The following COL22A1 variants were observed in gnomAD, a reference collection of about 807,000 sequenced individuals.
COL22A1 encodes the protein collagen alpha-1(XXII) chain.
Under a neutral mutation model 248.9 loss-of-function variants are expected in COL22A1, and 221 were observed. That is an observed-to-expected ratio of 0.89 (90% CI 0.80 to 0.99). COL22A1 has a LOEUF of 0.99. COL22A1 is among the 50% of genes least tolerant of loss of function. COL22A1 has a pLI of 0.00. For synonymous variants in COL22A1, 891 were observed against 793.4 expected (o/e 1.12, Z -2.07); for missense variants, 2,240 against 2,179.0 (o/e 1.03, Z -0.56).
intron 47 of COL22A1, among the ~76,000 whole-genome samples, chr8:138,642,396 C>G (rs887039890): frequency 2.0e-5 from 3 of 152,164 alleles, no homozygotes; most frequent in African/African-American, 7.2e-5. Flanking sequence ...AGCACTCTGC[C>G]CAACGCAACT....
chr8:138,663,036 A>AC (rs1554737820), intron 42 of COL22A1, among the ~76,000 whole-genome samples: 4 of 151,990 alleles, frequency 2.6e-5, no homozygotes, highest in South Asian at 2.1e-4. Context: ...ACACACACAC[A>AC]AAGCAATCCC....
chr8:138,857,664 A>G lies in COL22A1; in HGVS notation c.659-13506T>C, dbSNP rs114302166. Among the ~76,000 whole-genome samples the G allele has an allele frequency of 9.3e-3, 1,412 of 152,352 alleles. 20 individuals are homozygous for G. The highest frequency in any genetic ancestry group is 0.032 in the African/African-American group (1,351 of 41,584). ...AGGGCAAAAGCTGAGCTGAGCTGCA[A>G]TGGGTCAACTGGGAACAGCGGTTCC... On this transcript the variant is annotated intron_variant, in intron 3 of 64. Transcript: ENST00000303045.
chr8:138,743,090 ATGG>A (rs1197040033), intron 22 of COL22A1, among the ~76,000 whole-genome samples: 2 of 134,438 alleles, frequency 1.5e-5, no homozygotes, highest in Non-Finnish European at 3.2e-5. Context: ...GGTGATGGTG[ATGG>A]TGGAGTTGAT....
At chr8:138,752,581 C>G (rs1360714888) in intron 21 of COL22A1, among the ~76,000 whole-genome samples, 3 of 152,166 alleles carry the variant, frequency 2.0e-5, no homozygotes, top group Non-Finnish European at 4.4e-5. Context: ...TTTTAAGCGT[C>G]AAGAAATAGC....
chr8:138,837,945 C>A (rs1820561407), intron 4 of COL22A1, among the ~76,000 whole-genome samples: 2 of 152,140 alleles, frequency 1.3e-5, no homozygotes, highest in South Asian at 4.2e-4. Flanking sequence ...TGAGGACGTG[C>A]CTTGCAGGGT....
chr8:138,713,930 T>A (rs1477138197), intron 30 of COL22A1, among the ~76,000 whole-genome samples: 1 of 152,196 alleles, frequency 6.6e-6, no homozygotes, highest in Non-Finnish European at 1.5e-5. Flanking sequence ...AAGAAGGGGC[T>A]GGGACCAGGG....
chr8:138,808,776 A>G (rs1008486333), intron 9 of COL22A1, among the ~76,000 whole-genome samples: 2 of 152,220 alleles, frequency 1.3e-5, no homozygotes, highest in Non-Finnish European at 2.9e-5. Flanking sequence ...CGGAACACAC[A>G]TTTTTAAATG....
At chr8:138,789,200 A>G (rs962563712) in intron 12 of COL22A1, among the ~76,000 whole-genome samples, 3 of 152,256 alleles carry the variant, frequency 2.0e-5, no homozygotes, top group African/African-American at 7.2e-5. Flanking sequence ...TGTGAACTTC[A>G]GAACTTCCCC....
intron 39 of COL22A1, among the ~76,000 whole-genome samples, chr8:138,680,687 C>T (rs1825890349): frequency 6.6e-6 from 1 of 152,158 alleles, no homozygotes. Context: ...TCCACCTCTC[C>T]CTAGCTTCCC....
chr8:138,656,060 C>T (rs112182386), intron 44 of COL22A1, 116 bp from the exon 45 acceptor site: 129 of 806,584 alleles, frequency 1.6e-4, no homozygotes, highest in Admixed American at 6.4e-4. Context: ...CACACTGCGC[C>T]GTGCGTGGGA....
intron 41 of COL22A1, 64 bp from the exon 42 acceptor site, chr8:138,663,804 G>T: frequency 1.5e-6 from 2 of 1,293,040 alleles, no homozygotes; most frequent in Non-Finnish European, 2.2e-6. Flanking sequence ...AACAAGCTAT[G>T]GTGTTTATTC....
chr8:138,636,872 A>C, intron 47 of COL22A1, 77 bp from the exon 48 acceptor site: 1 of 1,147,402 alleles, frequency 8.7e-7, no homozygotes, highest in Non-Finnish European at 1.3e-6. Context: ...TCATGCATTC[A>C]TTCATCCATT....
At chr8:138,632,382 T>C (rs898760420) in intron 49 of COL22A1, among the ~76,000 whole-genome samples, 5 of 152,110 alleles carry the variant, frequency 3.3e-5, no homozygotes, top group Non-Finnish European at 7.3e-5. Context: ...TCATGACACA[T>C]AAGGAGTTAG....
At chr8:138,640,748 T>G (rs2130434393) in intron 47 of COL22A1, among the ~76,000 whole-genome samples, 1 of 152,316 alleles carries the variant, frequency 6.6e-6, no homozygotes, top group East Asian at 1.9e-4. Flanking sequence ...AAATTCCCCC[T>G]TGTTCAGTTC....
At chr8:138,724,144 C>T (rs77958895) in intron 25 of COL22A1, among the ~76,000 whole-genome samples, 3 of 152,280 alleles carry the variant, frequency 2.0e-5, no homozygotes, top group East Asian at 3.9e-4. Flanking sequence ...TCTGGGGAGA[C>T]ATTAATGTTT....
At chr8:138,664,211 A>ACGCG (rs1268431929) in intron 41 of COL22A1, among the ~76,000 whole-genome samples, 3 of 47,920 alleles carry the variant, frequency 6.3e-5, no homozygotes, top group African/African-American at 9.0e-5. Context: ...GCGCGCGCGC[A>ACGCG]CACACACACA....
At chr8:138,802,702 C>T (rs555569643) in intron 11 of COL22A1, among the ~76,000 whole-genome samples, 170 bp downstream of exon 11, 275 of 152,232 alleles carry the variant, frequency 1.8e-3, no homozygotes, top group Middle Eastern at 6.8e-3. Context: ...CAGCAGGCCT[C>T]CATGCCCATG....
chr8:138,724,498 C>T, intron 25 of COL22A1, 117 bp downstream of exon 25: 1 of 975,534 alleles, frequency 1.0e-6, no homozygotes, highest in Non-Finnish European at 1.6e-6. Context: ...GCCTTGCTGG[C>T]CAAGGAGTCC....
At chr8:138,792,946 G>A (rs144105107) in intron 12 of COL22A1, among the ~76,000 whole-genome samples, 4 of 152,282 alleles carry the variant, frequency 2.6e-5, no homozygotes, top group South Asian at 2.1e-4. Context: ...CCTCAGTGCC[G>A]TGTTCTCCTC....
Sources: gnomAD v4.1 joint callset for allele counts (sites outside exome capture counted in the v4.1 genomes callset) on GRCh38, gnomAD v4.1.1 for gene constraint, MANE v1.5 for transcripts, NCBI Gene and HGNC (gene_info 2026-07-23, HGNC 2026-07-21) for gene names.